The following CCDC136 variants were observed in gnomAD, a reference collection of about 807,000 sequenced individuals.
The protein encoded by CCDC136 is coiled-coil domain containing 136.
CCDC136 carries 100 observed loss-of-function variants against 141.2 expected under a neutral mutation model. That is an observed-to-expected ratio of 0.71 (90% CI 0.60 to 0.84). The LOEUF is 0.84. Ranked by LOEUF, CCDC136 falls within the 40% of genes least tolerant of loss-of-function variation. The pLI is 0.00. For missense variants in CCDC136, 1,206 were observed against 1,379.4 expected, an observed-to-expected ratio of 0.87 and a Z score of 1.99; for synonymous variants, 474 against 531.9, an observed-to-expected ratio of 0.89 and a Z score of 1.50.
At chr7:128,791,389 C>A, upstream of CCDC136, 1 of 778,884 alleles carries the variant, frequency 1.3e-6, no homozygotes, top group Non-Finnish European at 1.7e-6. The surrounding 1 kb of genome is among the most constrained non-coding windows in gnomAD (Gnocchi z 7.1). Flanking sequence ...CCAGGCCCCG[C>A]CCCCTCGTCC....
At chr7:128,810,704 C>G (rs928469506) in intron 12 of CCDC136, among the ~76,000 whole-genome samples, 5 of 152,214 alleles carry the variant, frequency 3.3e-5, no homozygotes, top group African/African-American at 1.2e-4. Context: ...TGTATAATAT[C>G]AGTTTGGTGT....
At position 128,821,905 on chromosome 7, in the gene CCDC136, A is replaced by G; in HGVS notation, c.*112A>G. Reference sequence around the variant, plus strand: ...CAGGAGTCAGAGTTCTGCCTCATGGAGTGATGGCAGACCTTGGCCAGCGCG... The same window carrying G: ...CAGGAGTCAGAGTTCTGCCTCATGGGGTGATGGCAGACCTTGGCCAGCGCG... On this transcript the variant is annotated 3_prime_UTR_variant, in exon 18 of 18. Coordinates refer to ENST00000297788, the MANE Select transcript of CCDC136 (RefSeq NM_022742.5). The surrounding 1 kb of genome is among the most constrained non-coding windows in gnomAD (Gnocchi z 5.1). 2.3e-6 allele frequency: 3 copies of G among 1,289,894 alleles called. No individual in the cohort carries two copies. The highest frequency in any genetic ancestry group is 3.0e-6 in the Non-Finnish European group (3 of 988,886). The allele number at this position is 1,289,894 out of a possible 1,614,324, so 79.9% of individuals were successfully genotyped here. A position where few individuals can be genotyped will look rare whatever the true frequency, so the allele number is the denominator to read the frequency against.
chr7:128,818,713 A>G (rs1468955477), intron 17 of CCDC136, among the ~76,000 whole-genome samples: 2 of 152,220 alleles, frequency 1.3e-5, no homozygotes, highest in Non-Finnish European at 2.9e-5. Flanking sequence ...GCTCCCACAC[A>G]TGTAATGTAC....
chr7:128,798,123 T>G (rs1267076854), intron 3 of CCDC136, among the ~76,000 whole-genome samples: 1 of 149,454 alleles, frequency 6.7e-6, no homozygotes, highest in Non-Finnish European at 1.5e-5. Flanking sequence ...TTCACTGTGT[T>G]AGCCAGGATG....
rs1431618036 is a variant in CCDC136 at position 128,807,471 on chromosome 7, C to T, written c.1531C>T (p.Leu511Phe). 3 of 1,550,180 alleles carry T rather than the reference C, an allele frequency of 1.9e-6. No homozygotes were observed. The highest frequency in any genetic ancestry group is 2.5e-5 in the East Asian group (1 of 40,222). Residue 511 changes from leucine (L) to phenylalanine (F), a missense_variant, in exon 10 of 18, where the codon CTC becomes TTC. Coordinates refer to ENST00000297788, the MANE Select transcript of CCDC136 (RefSeq NM_022742.5). The part of the protein sequence containing the change: ...MYDQLEQDLL[L>F]CQLELKELKA... ...TGACCAGCTGGAGCAGGACCTCCTG[C>T]TCTGCCAGCTGGAGCTGAAAGAGCT...
At chr7:128,806,191 C>T in intron 7 of CCDC136, 46 bp from the exon 8 acceptor site, 1 of 1,476,152 alleles carries the variant, frequency 6.8e-7, no homozygotes, top group Non-Finnish European at 9.1e-7. Flanking sequence ...GAAAGACCTG[C>T]TGTTTCTTGA....
chr7:128,805,611 C>A lies in CCDC136; in HGVS notation c.948+87C>A. Reference sequence around the variant, plus strand: ...CCTGTGGTAGAAACATCTCCATAGGCATCCACTGTGGAGGGAGATAGTACT... The same window carrying A: ...CCTGTGGTAGAAACATCTCCATAGGAATCCACTGTGGAGGGAGATAGTACT... On this transcript the variant is annotated intron_variant, in intron 6 of 17. Coordinates refer to ENST00000297788, the MANE Select transcript of CCDC136 (RefSeq NM_022742.5). This position sits in a 1 kb window ranked among gnomAD's most constrained non-coding sequence, Gnocchi z 4.6. 1 of 1,512,422 alleles carries A rather than the reference C, an allele frequency of 6.6e-7. No individual in the cohort carries two copies. The allele number at this position is 1,512,422 out of a possible 1,614,324, so 93.7% of individuals were successfully genotyped here.
intron 13 of CCDC136, among the ~76,000 whole-genome samples, 152 bp from the exon 14 acceptor site, chr7:128,812,556 C>T (rs190982262): frequency 6.6e-6 from 1 of 152,050 alleles, no homozygotes; most frequent in Admixed American, 6.5e-5. Flanking sequence ...ACCACAGCCA[C>T]GATGCTCTTT....
chr7:128,817,375 G>A lies in CCDC136; in HGVS notation c.3364-383G>A. ...GAAAGCAGGCTAGAACAAAGGGACA[G>A]GTGACCTGGTAGAAGACTGGCTCTT... On this transcript the variant is annotated intron_variant, in intron 16 of 17. Coordinates refer to ENST00000297788, the MANE Select transcript of CCDC136 (RefSeq NM_022742.5). The surrounding 1 kb of genome is among the most constrained non-coding windows in gnomAD (Gnocchi z 4.6). 6.6e-6 allele frequency among the ~76,000 whole-genome samples: 1 copy of A among 152,172 alleles called. No individual in the cohort carries two copies. The highest frequency in any genetic ancestry group is 1.9e-4 in the East Asian group (1 of 5,194).
At chr7:128,796,743 T>TATATATATATA (rs1282909541) in intron 3 of CCDC136, among the ~76,000 whole-genome samples, 6 of 99,484 alleles carry the variant, frequency 6.0e-5, no homozygotes, top group East Asian at 6.1e-4. Flanking sequence ...ATATATATTC[T>TATATATATATA]TTTTTTTTTT....
intron 13 of CCDC136, 25 bp from the exon 14 acceptor site, chr7:128,812,683 A>G (rs745466051): frequency 3.2e-6 from 5 of 1,577,804 alleles, no homozygotes; most frequent in African/African-American, 2.7e-5. Context: ...TCAGGGTGCT[A>G]TTGTTGCTCC....
At chr7:128,812,429 G>A (rs530023142) in intron 13 of CCDC136, 117 bp downstream of exon 13, 1 of 1,149,006 alleles carries the variant, frequency 8.7e-7, no homozygotes, top group East Asian at 2.6e-5. Context: ...CTGACCTGGG[G>A]AACTATTGGA....
chr7:128,809,855 C>T (rs1805447981), intron 11 of CCDC136, among the ~76,000 whole-genome samples: 1 of 152,218 alleles, frequency 6.6e-6, no homozygotes. Flanking sequence ...ACCTTTTATA[C>T]TCAGGAATCT....
chr7:128,815,807 A>G lies in CCDC136; in HGVS notation c.3239A>G (p.Glu1080Gly), dbSNP rs760042139. ...GCTAAATCCACAGAAGATCAGGAGG[A>G]AAATGAAGAGGACAAAGAGGAAGAG... ...EEAKSTEDQE[E>G]NEEDKEEEEK... is the part of the protein sequence containing the mutation. The change falls in exon 16 of 18, where the codon GAA becomes GGA. Residue 1080 changes from glutamate (E) to glycine (G), a missense_variant. Coordinates refer to ENST00000297788, the MANE Select transcript of CCDC136 (RefSeq NM_022742.5). The G allele has an allele frequency of 6.2e-7, 1 of 1,603,868 alleles. No individual in the cohort carries two copies. The highest frequency in any genetic ancestry group is 1.7e-5 in the Admixed American group (1 of 58,434).
At position 128,811,857 on chromosome 7, in the gene CCDC136, C is replaced by A; in HGVS notation, c.2086C>A (p.Gln696Lys). 6.2e-7 allele frequency: 1 copy of A among 1,610,172 alleles called. No homozygotes were observed. The highest frequency in any genetic ancestry group is 1.1e-5 in the South Asian group (1 of 90,594). Reference sequence around the variant, plus strand: ...CCTGCAGGTGATGTATGACGCCGGTCAGGCGAAGCAGGAGCTCTTGCAGCA... The same window carrying A: ...CCTGCAGGTGATGTATGACGCCGGTAAGGCGAAGCAGGAGCTCTTGCAGCA... ...QALQVMYDAGQAKQELLQQEQ... is the reference protein window; with the variant it reads ...QALQVMYDAGKAKQELLQQEQ... Residue 696 changes from glutamine (Q) to lysine (K), a missense_variant, in exon 13 of 18, where the codon CAG (glutamine) becomes AAG (lysine). Gln to Lys is a moderately conservative substitution (Grantham distance 53). Transcript: ENST00000297788.
chr7:128,801,838 A>G (rs1804080538), intron 4 of CCDC136, among the ~76,000 whole-genome samples: 1 of 152,240 alleles, frequency 6.6e-6, no homozygotes, highest in African/African-American at 2.4e-5. Context: ...ATGTTACATA[A>G]CCAGTCCATG....
chr7:128,815,133 G>A (rs1166817059), intron 15 of CCDC136, among the ~76,000 whole-genome samples: 6 of 152,164 alleles, frequency 3.9e-5, no homozygotes, highest in South Asian at 2.1e-4. Flanking sequence ...AACTCACATC[G>A]GGAGGTGCAG....
In CCDC136 at chr7:128,794,522, A is replaced by G; in HGVS notation, c.191A>G (p.Gln64Arg). 1 of 1,553,516 alleles carries G rather than the reference A, an allele frequency of 6.4e-7. No individual in the cohort carries two copies. Among genetic ancestry groups the G allele is most frequent in the South Asian group, 1.2e-5 (1 of 84,112 alleles). ...TETELEELRA[Q>R]VLQLVAELEE... ...ACAGAGCTGGAGGAGCTGCGGGCTC[A>G]GGTGCTGCAGCTGGTGGCAGAACTG... Residue 64 changes from glutamine to arginine, a missense_variant, in exon 2 of 18, where the codon CAG becomes CGG. By Grantham distance (43) the Gln-to-Arg change is conservative. Coordinates refer to ENST00000297788, the MANE Select transcript of CCDC136 (RefSeq NM_022742.5). This position sits in a 1 kb window ranked among gnomAD's most constrained non-coding sequence, Gnocchi z 4.3.
At chr7:128,815,042 A>G in intron 15 of CCDC136, 123 bp downstream of exon 15, 1 of 821,190 alleles carries the variant, frequency 1.2e-6, no homozygotes. Context: ...GGATCTCTGA[A>G]GTGTCTACAG....
Sources: gnomAD v4.1 joint callset for allele counts (sites outside exome capture counted in the v4.1 genomes callset) on GRCh38, gnomAD v4.1.1 for gene constraint, Gnocchi (gnomAD v3.1) non-coding constraint, MANE v1.5 for transcripts, NCBI Gene and HGNC (gene_info 2026-07-23, HGNC 2026-07-21) for gene names.